The following ADGRL3 variants were observed in gnomAD, a reference collection of about 807,000 sequenced individuals.
The protein encoded by ADGRL3 is adhesion G protein-coupled receptor L3, also known as calcium-independent alpha-latrotoxin receptor 3.
A neutral mutation model predicts 153.5 loss-of-function variants in ADGRL3; 62 were observed. The ratio of observed to expected loss-of-function variants is 0.40; its 90% confidence interval spans 0.33 to 0.50. ADGRL3 has a LOEUF of 0.50. Among genes scored for constraint, ADGRL3 ranks in the 20% least tolerant of loss-of-function variants. The probability of loss-of-function intolerance (pLI) is 0.47; values close to 1 mark genes in which losing one functional copy is unlikely to be tolerated. For synonymous variants in ADGRL3, 710 were observed against 672.5 expected, an observed-to-expected ratio of 1.06 and a Z score of -0.86; for missense variants, 1,641 against 1,859.4, an observed-to-expected ratio of 0.88 and a Z score of 2.16.
At chr4:61,537,167 T>C (rs1273108018) in intron 4 of ADGRL3, among the ~76,000 whole-genome samples, 1 of 96,294 alleles carries the variant, frequency 1.0e-5, no homozygotes, top group Non-Finnish European at 2.2e-5. Flanking sequence ...AATTCTTGCC[T>C]TGCATTTTTT....
intron 2 of ADGRL3, among the ~76,000 whole-genome samples, chr4:61,386,694 TA>T (rs1011731417): frequency 1.3e-5 from 2 of 152,054 alleles, no homozygotes; most frequent in African/African-American, 2.4e-5. Flanking sequence ...TGGCAACAAA[TA>T]AAAATGTATT....
intron 25 of ADGRL3, among the ~76,000 whole-genome samples, chr4:62,050,375 C>G (rs576132367): frequency 6.6e-6 from 1 of 152,138 alleles, no homozygotes; most frequent in South Asian, 2.1e-4. Flanking sequence ...CCTTCAGAAG[C>G]TTAGAGAACA....
At chr4:61,876,132 A>G (rs150428789) in intron 9 of ADGRL3, among the ~76,000 whole-genome samples, 13 of 152,104 alleles carry the variant, frequency 8.5e-5, no homozygotes, top group Non-Finnish European at 1.8e-4. Context: ...TAATTTCCCT[A>G]TATGTTTGCA....
intron 1 of ADGRL3, among the ~76,000 whole-genome samples, chr4:61,276,020 T>A (rs1314466217): frequency 6.6e-6 from 1 of 152,094 alleles, no homozygotes; most frequent in East Asian, 1.9e-4. Flanking sequence ...GATATAAGGG[T>A]GCAGGCCCAA....
intron 5 of ADGRL3, among the ~76,000 whole-genome samples, chr4:61,675,510 T>A (rs952778032): frequency 2.0e-5 from 3 of 151,802 alleles, no homozygotes; most frequent in African/African-American, 7.2e-5. Flanking sequence ...ATGGGTATCT[T>A]TTTCAGAATT....
chr4:61,787,374 AAAG>A (rs1024795239), intron 8 of ADGRL3, among the ~76,000 whole-genome samples: 3 of 152,046 alleles, frequency 2.0e-5, no homozygotes, highest in African/African-American at 7.2e-5. Context: ...TTTTAAAAAA[AAAG>A]CATAGGTACA....
chr4:61,263,230 ATAAT>A (rs1337332419), intron 1 of ADGRL3, among the ~76,000 whole-genome samples: 2 of 151,982 alleles, frequency 1.3e-5, no homozygotes, highest in Non-Finnish European at 1.5e-5. Context: ...TCAAGTGCAA[ATAAT>A]TAAACTGAAA....
At chr4:61,339,971 C>T (rs922816789) in intron 1 of ADGRL3, among the ~76,000 whole-genome samples, 2 of 152,152 alleles carry the variant, frequency 1.3e-5, no homozygotes, top group African/African-American at 4.8e-5. Context: ...TGAAAAACAA[C>T]ATTATTGGGA....
chr4:62,057,709 G>C (rs1463378584), intron 25 of ADGRL3, among the ~76,000 whole-genome samples: 1 of 152,040 alleles, frequency 6.6e-6, no homozygotes, highest in Non-Finnish European at 1.5e-5. Flanking sequence ...ACAGGGTCTT[G>C]CTCTGTCGCC....
At chr4:61,774,868 C>G (rs1231148863) in intron 8 of ADGRL3, among the ~76,000 whole-genome samples, 1 of 152,118 alleles carries the variant, frequency 6.6e-6, no homozygotes, top group Non-Finnish European at 1.5e-5. Context: ...CAGGCATCCA[C>G]TGGGGGGCCT....
intron 1 of ADGRL3, among the ~76,000 whole-genome samples, chr4:61,312,857 A>G (rs150985903): frequency 9.2e-5 from 14 of 152,308 alleles, no homozygotes; most frequent in East Asian, 3.9e-4. Flanking sequence ...CTATTCAGCA[A>G]TTGTGCTCCT....
chr4:61,286,925 A>C (rs2093961724), intron 1 of ADGRL3, among the ~76,000 whole-genome samples: 1 of 151,648 alleles, frequency 6.6e-6, no homozygotes, highest in Non-Finnish European at 1.5e-5. Flanking sequence ...ATTATTTTTA[A>C]ATTTTTGGTT....
intron 21 of ADGRL3, among the ~76,000 whole-genome samples, chr4:62,018,534 A>T (rs1338517907): frequency 1.3e-5 from 2 of 152,256 alleles, no homozygotes; most frequent in Non-Finnish European, 2.9e-5. Context: ...CCTAGGAATG[A>T]CCAGATATTT....
intron 2 of ADGRL3, among the ~76,000 whole-genome samples, chr4:61,438,143 T>C (rs1262241638): frequency 6.6e-6 from 1 of 152,140 alleles, no homozygotes; most frequent in East Asian, 1.9e-4. Flanking sequence ...AAGCAGTTTT[T>C]GATGACATGA....
chr4:61,893,308 C>T (rs980708020), intron 10 of ADGRL3, among the ~76,000 whole-genome samples: 72 of 152,048 alleles, frequency 4.7e-4, no homozygotes, highest in African/African-American at 1.7e-3. Flanking sequence ...TGCACTTTGC[C>T]CTCATAGTTT....
At chr4:61,743,907 C>A (rs57884095) in intron 8 of ADGRL3, among the ~76,000 whole-genome samples, 1 of 152,164 alleles carries the variant, frequency 6.6e-6, no homozygotes, top group East Asian at 1.9e-4. Flanking sequence ...AGCAGGGCGA[C>A]GCATTGCCTC....
At chr4:61,882,373 T>C (rs187364437) in intron 9 of ADGRL3, among the ~76,000 whole-genome samples, 2 of 152,292 alleles carry the variant, frequency 1.3e-5, no homozygotes, top group Non-Finnish European at 2.9e-5. Context: ...TATGTATGTA[T>C]ATATCCATAT....
chr4:61,469,936 C>CA (rs61312011), intron 2 of ADGRL3, among the ~76,000 whole-genome samples: 5,336 of 148,320 alleles, frequency 0.036, 96 homozygotes, highest in Non-Finnish European at 0.051. Context: ...AAAAACAAAA[C>CA]AAAAAAAAAC....
intron 2 of ADGRL3, among the ~76,000 whole-genome samples, chr4:61,459,243 T>C (rs941219127): frequency 6.6e-6 from 1 of 151,874 alleles, no homozygotes; most frequent in Non-Finnish European, 1.5e-5. Context: ...GTTTGGTTTA[T>C]AAATATTAGT....
Sources: gnomAD v4.1 joint callset for allele counts (sites outside exome capture counted in the v4.1 genomes callset) on GRCh38, gnomAD v4.1.1 for gene constraint, MANE v1.5 for transcripts, NCBI Gene and HGNC (gene_info 2026-07-23, HGNC 2026-07-21) for gene names.